Variants in GRID1 observed in about 807,000 individuals in gnomAD.
GRID1 encodes the protein glutamate receptor ionotropic, delta-1.
GRID1 carries 28 observed loss-of-function variants against 98.0 expected under a neutral mutation model. That is an observed-to-expected ratio of 0.29 (90% confidence interval 0.21 to 0.39). The LOEUF (loss-of-function observed/expected upper bound fraction) is 0.39, where lower values mean the gene tolerates loss of function less well. Among genes scored for constraint, GRID1 ranks in the 10% least tolerant of loss-of-function variants. The pLI is 1.00. For missense variants in GRID1, 1,111 were observed against 1,340.5 expected, an observed-to-expected ratio of 0.83 and a Z score of 2.67; for synonymous variants, 553 against 538.5, an observed-to-expected ratio of 1.03 and a Z score of -0.37.
intron 8 of GRID1, among the ~76,000 whole-genome samples, chr10:85,780,457 A>G (rs575594823): frequency 2.6e-5 from 4 of 152,316 alleles, no homozygotes; most frequent in Admixed American, 6.5e-5. Flanking sequence ...CACGGGGCAG[A>G]AGTCCTGTTT....
intron 2 of GRID1, among the ~76,000 whole-genome samples, chr10:86,351,223 C>T (rs1318819837): frequency 2.0e-5 from 3 of 152,240 alleles, no homozygotes; most frequent in Non-Finnish European, 4.4e-5. Context: ...CCCCAGCCGA[C>T]TCCGGCATCC....
chr10:86,299,213 T>G (rs1237812579), intron 2 of GRID1, among the ~76,000 whole-genome samples: 1 of 147,292 alleles, frequency 6.8e-6, no homozygotes, highest in African/African-American at 2.6e-5. Context: ...TTTTTTTTTG[T>G]ATAATAAATG....
intron 6 of GRID1, among the ~76,000 whole-genome samples, chr10:85,859,039 G>A (rs1438521955): frequency 1.3e-5 from 2 of 152,212 alleles, no homozygotes; most frequent in Non-Finnish European, 2.9e-5. Flanking sequence ...CCCAGTTCAT[G>A]GGAACAGGCT....
chr10:86,251,319 C>A (rs1391536398), intron 2 of GRID1, among the ~76,000 whole-genome samples: 1 of 149,324 alleles, frequency 6.7e-6, no homozygotes, highest in Non-Finnish European at 1.5e-5. Flanking sequence ...TCCCCCTCTC[C>A]GAGAAACACC....
At chr10:85,742,346 G>A (rs1841952576) in intron 8 of GRID1, among the ~76,000 whole-genome samples, 1 of 152,138 alleles carries the variant, frequency 6.6e-6, no homozygotes, top group South Asian at 2.1e-4. Context: ...TAGTGGAGTT[G>A]GGTTCTAGTA....
At chr10:86,136,235 A>T (rs1844922993) in intron 4 of GRID1, among the ~76,000 whole-genome samples, 1 of 152,222 alleles carries the variant, frequency 6.6e-6, no homozygotes, top group Non-Finnish European at 1.5e-5. Context: ...CCAGTCAGAT[A>T]GCTCATGTTT....
intron 2 of GRID1, among the ~76,000 whole-genome samples, chr10:86,310,464 C>A (rs1455139250): frequency 6.6e-6 from 1 of 152,206 alleles, no homozygotes. Context: ...CAGCAAGACC[C>A]CATCAGCTTC....
chr10:85,707,184 A>C (rs142733829), intron 12 of GRID1, among the ~76,000 whole-genome samples: 2,750 of 152,286 alleles, frequency 0.018, 70 homozygotes, highest in African/African-American at 0.063. Context: ...CAACCTACAA[A>C]ATGGGAGAAA....
At chr10:86,259,961 G>A (rs183114741) in intron 2 of GRID1, among the ~76,000 whole-genome samples, 1 of 152,350 alleles carries the variant, frequency 6.6e-6, no homozygotes, top group Non-Finnish European at 1.5e-5. Flanking sequence ...CCAGGCAGTG[G>A]TTTCTCCTTG....
chr10:85,719,231 T>C (rs1049582255), intron 12 of GRID1, among the ~76,000 whole-genome samples: 1 of 152,236 alleles, frequency 6.6e-6, no homozygotes, highest in Admixed American at 6.5e-5. Context: ...AACAAGTCTC[T>C]AGGAGGTTCC....
chr10:85,898,254 G>A (rs868798076), intron 5 of GRID1, among the ~76,000 whole-genome samples: 3 of 152,322 alleles, frequency 2.0e-5, no homozygotes, highest in Middle Eastern at 3.4e-3. Flanking sequence ...TTGTACAACT[G>A]TATAGGACAC....
intron 2 of GRID1, among the ~76,000 whole-genome samples, chr10:86,255,617 T>C (rs1846905573): frequency 6.6e-6 from 1 of 152,172 alleles, no homozygotes; most frequent in Non-Finnish European, 1.5e-5. Flanking sequence ...TGCCCAGCCT[T>C]GTGGCACTGG....
chr10:85,732,249 T>C (rs1841834399), intron 8 of GRID1, among the ~76,000 whole-genome samples: 1 of 152,116 alleles, frequency 6.6e-6, no homozygotes, highest in Non-Finnish European at 1.5e-5. Context: ...GTTATAGAGG[T>C]CTTCTTGACC....
chr10:86,038,696 C>T (rs1843304092), intron 4 of GRID1, among the ~76,000 whole-genome samples: 1 of 152,214 alleles, frequency 6.6e-6, no homozygotes, highest in African/African-American at 2.4e-5. Flanking sequence ...TCTGGGCAGA[C>T]AAACCTCTAC....
intron 15 of GRID1, among the ~76,000 whole-genome samples, chr10:85,604,240 A>G (rs1842623790): frequency 6.6e-6 from 1 of 152,186 alleles, no homozygotes; most frequent in African/African-American, 2.4e-5. Flanking sequence ...GTTGGCACAC[A>G]TGGTTTGGCT....
rs1036253172 is a variant in GRID1 at position 86,356,047 on chromosome 10, C to A, written c.235+7894G>T. On this transcript the variant is annotated intron_variant, in intron 2 of 15. Coordinates refer to ENST00000327946, the MANE Select transcript of GRID1 (RefSeq NM_017551.3). The stretch of plus-strand genomic sequence containing the variant: ...AGAGAACCCAATCTTTACCTCATGA[C>A]TAGCTCAATGGTCCTGAGAGCTGGG... 5.9e-5 allele frequency among the ~76,000 whole-genome samples: 9 copies of A among 152,216 alleles called. No individual in the cohort carries two copies. In the South Asian group the frequency reaches 1.9e-3, roughly 31 times the overall value.
chr10:85,986,855 G>A (rs562589622), intron 4 of GRID1, among the ~76,000 whole-genome samples: 27 of 152,296 alleles, frequency 1.8e-4, no homozygotes, highest in African/African-American at 6.3e-4. Context: ...CCCAAGTGGA[G>A]TGTTATAAAG....
intron 8 of GRID1, among the ~76,000 whole-genome samples, chr10:85,852,538 G>A (rs76439077): frequency 3.0e-4 from 46 of 152,334 alleles, no homozygotes; most frequent in African/African-American, 1.1e-3. Context: ...AGAAGTAGGT[G>A]GGAGACGGAA....
intron 3 of GRID1, among the ~76,000 whole-genome samples, chr10:86,150,693 AG>A (rs1433303266): frequency 6.6e-6 from 1 of 152,186 alleles, no homozygotes; most frequent in Non-Finnish European, 1.5e-5. Flanking sequence ...CTAACCCTCA[AG>A]GTGATGGTAT....
Sources: gnomAD v4.1 joint callset for allele counts (sites outside exome capture counted in the v4.1 genomes callset) on GRCh38, gnomAD v4.1.1 for gene constraint, MANE v1.5 for transcripts, NCBI Gene and HGNC (gene_info 2026-07-23, HGNC 2026-07-21) for gene names.